The following MYO9A variants were observed in gnomAD, a reference collection of about 807,000 sequenced individuals.
The protein encoded by MYO9A is myosin IXA, also known as unconventional myosin-IXa.
In MYO9A, 103 loss-of-function variants were observed where a neutral mutation model predicts 293.3. The observed-to-expected ratio is 0.35, with a 90% CI of 0.30 to 0.41. MYO9A has a LOEUF of 0.41. MYO9A is among the 10% of genes least tolerant of loss of function. The pLI, the probability that MYO9A is intolerant of heterozygous loss-of-function variation, is 1.00. For missense variants in MYO9A, 2,685 were observed against 3,033.0 expected, an observed-to-expected ratio of 0.89 and a Z score of 2.69; for synonymous variants, 1,001 against 1,035.7, an observed-to-expected ratio of 0.97 and a Z score of 0.64.
At position 71,824,273 on chromosome 15, in the gene MYO9A, C is replaced by T. The variant is rs1245488025; in HGVS notation, c.*2307G>A. On this transcript the variant is annotated 3_prime_UTR_variant, in exon 42 of 42. Coordinates refer to ENST00000356056, the MANE Select transcript of MYO9A (RefSeq NM_006901.4). ...AAAAATTATAAAGTCTCTTAACATC[C>T]ATCACCTAGTTCCTTTAAAGTGACC... 1 of 152,086 alleles carries T rather than the reference C, an allele frequency of 6.6e-6. No homozygotes were observed. The highest frequency in any genetic ancestry group is 1.5e-5 in the Non-Finnish European group (1 of 68,036). The allele number at this position is 152,086 out of a possible 1,614,324, so 9.4% of individuals were successfully genotyped here. A position where few individuals can be genotyped will look rare whatever the true frequency, so the allele number is the denominator to read the frequency against.
At chr15:72,003,635 C>T (rs1384046050) in intron 8 of MYO9A, among the ~76,000 whole-genome samples, 1 of 147,490 alleles carries the variant, frequency 6.8e-6, no homozygotes, top group Non-Finnish European at 1.5e-5. Flanking sequence ...ACCCAGGAAG[C>T]GGAGCTTGCA....
chr15:72,111,793 C>T (rs1210257786), intron 1 of MYO9A, among the ~76,000 whole-genome samples: 1 of 151,990 alleles, frequency 6.6e-6, no homozygotes, highest in Non-Finnish European at 1.5e-5. Context: ...AATGCCACCA[C>T]ACTCAGCTAT....
rs1185868164 is a variant in MYO9A at position 71,849,710 on chromosome 15, GAGCCA to G, written c.6713+321_6713+325del. Among the ~76,000 whole-genome samples, 14 of 42,622 alleles carry G rather than the reference GAGCCA, an allele frequency of 3.3e-4. No individual in the cohort carries two copies. In the East Asian group the frequency reaches 5.1e-3, roughly 15 times the overall value. The allele number at this position is 42,622 out of a possible 152,430, so 28.0% of individuals were successfully genotyped here. A position where few individuals can be genotyped will look rare whatever the true frequency, so the allele number is the denominator to read the frequency against. ...TGAAGTATTAAGACCAAAGGATTCAGAGCCATTAAGACCACAGTTAGACTAGATTA... is the reference window on the plus strand; with the variant it reads ...TGAAGTATTAAGACCAAAGGATTCAGTTAAGACCACAGTTAGACTAGATTA... On this transcript the variant is annotated intron_variant, in intron 38 of 41. Coordinates refer to ENST00000356056, the MANE Select transcript of MYO9A (RefSeq NM_006901.4).
chr15:71,864,304 G>A (rs2056249246), intron 32 of MYO9A, among the ~76,000 whole-genome samples: 1 of 152,078 alleles, frequency 6.6e-6, no homozygotes. Context: ...CTACCAGAAT[G>A]GCTATAACAA....
chr15:72,026,693 T>C (rs1486101935), intron 4 of MYO9A, among the ~76,000 whole-genome samples: 2 of 152,156 alleles, frequency 1.3e-5, no homozygotes, highest in Non-Finnish European at 2.9e-5. Context: ...ATTAAACTTT[T>C]ATCTAAACTG....
chr15:71,905,316 A>G (rs955483229), intron 19 of MYO9A, among the ~76,000 whole-genome samples: 34 of 152,202 alleles, frequency 2.2e-4, no homozygotes, highest in Non-Finnish European at 4.7e-4. Context: ...ATTCAAACTC[A>G]TGTATCCTAC....
At position 72,020,927 on chromosome 15, in the gene MYO9A, A is replaced by G; in HGVS notation, c.1089T>C (p.Tyr363=). 6.5e-7 allele frequency: 1 copy of G among 1,528,488 alleles called. No individual in the cohort carries two copies. The highest frequency in any genetic ancestry group is 2.5e-5 in the East Asian group (1 of 39,836). 94.7% of individuals were successfully genotyped at this position (1,528,488 alleles called of 1,614,324 possible). Residue 363 remains tyrosine, a synonymous_variant, in exon 5 of 42, where the codon TAT becomes TAC. Coordinates refer to ENST00000356056, the MANE Select transcript of MYO9A (RefSeq NM_006901.4). ...TTTTATGAACTCTCACCTGATTGAGATAATGATATTCCTCTGGTTGCTTAA... is the reference window on the plus strand; with the variant it reads ...TTTTATGAACTCTCACCTGATTGAGGTAATGATATTCCTCTGGTTGCTTAA... ...FHLKQPEEYH[Y]LNQITKKPLR...
chr15:72,094,440 T>A (rs1277261362), intron 1 of MYO9A, among the ~76,000 whole-genome samples: 1 of 91,688 alleles, frequency 1.1e-5, no homozygotes, highest in African/African-American at 2.6e-5. Context: ...TAACAGCATG[T>A]GCTCACTTCG....
intron 15 of MYO9A, among the ~76,000 whole-genome samples, chr15:71,941,590 T>A (rs191639440): frequency 6.6e-6 from 1 of 152,222 alleles, no homozygotes; most frequent in African/African-American, 2.4e-5. Flanking sequence ...AAAAAGAAAT[T>A]GTAGCAGAAA....
chr15:71,954,352 C>T (rs917516231), intron 14 of MYO9A, among the ~76,000 whole-genome samples: 1 of 152,158 alleles, frequency 6.6e-6, no homozygotes, highest in African/African-American at 2.4e-5. Context: ...AGGCGCCAGC[C>T]ACCACGCCTG....
At chr15:71,860,009 A>G (rs960712558) in intron 33 of MYO9A, among the ~76,000 whole-genome samples, 2 of 152,198 alleles carry the variant, frequency 1.3e-5, no homozygotes, top group Non-Finnish European at 2.9e-5. Flanking sequence ...CAAAATTTCT[A>G]GCCACAGTCA....
chr15:71,960,031 C>A lies in MYO9A; in HGVS notation c.2052G>T (p.Lys684Asn). The A allele has an allele frequency of 6.2e-7, 1 of 1,614,010 alleles. No individual in the cohort carries two copies. The highest frequency in any genetic ancestry group is 8.5e-7 in the Non-Finnish European group (1 of 1,179,960). The change falls in exon 14 of 42, where the codon AAG becomes AAT. Residue 684 changes from lysine (K) to asparagine (N), a missense_variant. Lys to Asn is a moderately conservative substitution (Grantham distance 94). This residue lies in a region of MYO9A where 201 missense variants were observed against 245.2 expected (regional missense o/e 0.82). Transcript: ENST00000356056. The stretch of plus-strand genomic sequence containing the variant: ...CAATCATCCCAGAGATAAATGCATT[C>A]TTGCTGCTTCTCAGAAGAGCTACAA... The part of the protein sequence containing the change: ...PDIVALLRSS[K>N]NAFISGMIGI...
chr15:71,953,468 TTAAAG>T (rs1480905242), intron 14 of MYO9A, among the ~76,000 whole-genome samples: 2 of 152,270 alleles, frequency 1.3e-5, no homozygotes, highest in African/African-American at 2.4e-5. Flanking sequence ...ATATTATGTG[TTAAAG>T]TATTCTGTAT....
intron 14 of MYO9A, chr15:71,958,420 T>C (rs536393093): frequency 3.5e-4 from 54 of 152,306 alleles, no homozygotes; most frequent in African/African-American, 1.3e-3. Flanking sequence ...AATGCTGGCA[T>C]TGACACTGAT....
chr15:71,981,607 G>A (rs1393372741), intron 11 of MYO9A, among the ~76,000 whole-genome samples: 1 of 149,652 alleles, frequency 6.7e-6, no homozygotes, highest in Non-Finnish European at 1.5e-5. Context: ...TCTATCACTG[G>A]GATTTTGGTT....
At chr15:71,977,492 A>T (rs2076173007) in intron 12 of MYO9A, among the ~76,000 whole-genome samples, 1 of 152,144 alleles carries the variant, frequency 6.6e-6, no homozygotes, top group South Asian at 2.1e-4. Context: ...CCGCCTTGGC[A>T]TCCCAAAGTG....
At chr15:72,000,311 G>A (rs1048057171) in intron 8 of MYO9A, among the ~76,000 whole-genome samples, 36 of 152,066 alleles carry the variant, frequency 2.4e-4, no homozygotes, top group African/African-American at 8.7e-4. Context: ...ATATTCCAAA[G>A]GATATTTATT....
chr15:71,992,306 C>A (rs12592364), intron 10 of MYO9A, among the ~76,000 whole-genome samples: 30,016 of 152,034 alleles, frequency 0.2, 3,223 homozygotes, highest in East Asian at 0.41. Context: ...GGCTCTAATA[C>A]CTGCATATGA....
intron 12 of MYO9A, among the ~76,000 whole-genome samples, chr15:71,972,507 G>A (rs140052322): frequency 3.9e-5 from 6 of 152,236 alleles, no homozygotes; most frequent in African/African-American, 1.4e-4. Context: ...CTGAGTCCTC[G>A]ATCTGTGGGA....
Sources: gnomAD v4.1 joint callset for allele counts (sites outside exome capture counted in the v4.1 genomes callset) on GRCh38, gnomAD v4.1.1 for gene constraint, gnomAD v4.1.1 regional missense constraint, MANE v1.5 for transcripts, NCBI Gene and HGNC (gene_info 2026-07-23, HGNC 2026-07-21) for gene names.